The following PRP4K variants were observed in gnomAD, a reference collection of about 807,000 sequenced individuals.
PRP4K encodes the protein serine/threonine-protein kinase PRP4 homolog.
the PRP4K span, among the ~76,000 whole-genome samples, chr6:4,024,255 G>A: frequency 6.6e-6 from 1 of 152,030 alleles, no homozygotes; most frequent in Non-Finnish European, 1.5e-5. Flanking sequence ...AAGTGCTGCA[G>A]GTACTAGGGA....
the PRP4K span, chr6:4,032,699 C>T: frequency 1.3e-5 from 21 of 1,598,982 alleles, no homozygotes; most frequent in African/African-American, 2.6e-4. Flanking sequence ...GAGCCAAGAG[C>T]CGATCCTTAG....
the PRP4K span, among the ~76,000 whole-genome samples, chr6:4,046,321 G>A: frequency 6.6e-6 from 1 of 152,166 alleles, no homozygotes; most frequent in Admixed American, 6.5e-5. Flanking sequence ...TGTTTAGCTA[G>A]TATCAGAGGT....
chr6:4,054,665 C>A, the PRP4K span, among the ~76,000 whole-genome samples: 2 of 152,262 alleles, frequency 1.3e-5, no homozygotes, highest in East Asian at 3.9e-4. Flanking sequence ...GGCCACCACG[C>A]CCAGCTAATT....
At chr6:4,049,870 A>T in the PRP4K span, 2 of 1,614,136 alleles carry the variant, frequency 1.2e-6, no homozygotes, top group Non-Finnish European at 1.7e-6. Flanking sequence ...ATCAGAAACA[A>T]TGAGCTCATG....
chr6:4,056,527 C>T, the PRP4K span: 2 of 1,606,030 alleles, frequency 1.2e-6, no homozygotes, highest in South Asian at 1.1e-5. Context: ...CACACTTCAG[C>T]AGCTGCACGA....
chr6:4,057,811 G>A, the PRP4K span, among the ~76,000 whole-genome samples: 1 of 137,904 alleles, frequency 7.3e-6, no homozygotes, highest in Admixed American at 8.0e-5. Flanking sequence ...CTGCAGTGCA[G>A]TGGCGCGATC....
chr6:4,021,365 C>T, the PRP4K span: 55 of 1,551,540 alleles, frequency 3.5e-5, no homozygotes, highest in African/African-American at 3.7e-4. Context: ...TCCTCCACTT[C>T]CCCTACCCTC....
At chr6:4,055,882 G>A in the PRP4K span, among the ~76,000 whole-genome samples, 1 of 152,254 alleles carries the variant, frequency 6.6e-6, no homozygotes, top group Non-Finnish European at 1.5e-5. Flanking sequence ...TTTTGTCCAA[G>A]TTTATTCTGA....
chr6:4,058,890 A>T, the PRP4K span: 1 of 987,340 alleles, frequency 1.0e-6, no homozygotes, highest in Non-Finnish European at 1.4e-6. Context: ...CTGGTGAATT[A>T]AAAAAAAAAC....
the PRP4K span, chr6:4,052,585 TGTG>T: frequency 2.7e-4 from 172 of 634,778 alleles, no homozygotes; most frequent in Non-Finnish European, 3.8e-4. Context: ...ATTTATCAAA[TGTG>T]GGGGTGGTTC....
the PRP4K span, among the ~76,000 whole-genome samples, chr6:4,059,375 C>A: frequency 1.3e-5 from 2 of 152,144 alleles, no homozygotes; most frequent in Non-Finnish European, 2.9e-5. Flanking sequence ...CCCCCAACCC[C>A]CTAAAAAATG....
the PRP4K span, chr6:4,041,028 C>T: frequency 8.1e-7 from 1 of 1,235,124 alleles, no homozygotes; most frequent in Non-Finnish European, 1.1e-6. Flanking sequence ...TTATAAGTGG[C>T]TCCATTAATT....
chr6:4,042,646 C>A, the PRP4K span: 2 of 1,028,200 alleles, frequency 1.9e-6, no homozygotes, highest in South Asian at 1.5e-5. Flanking sequence ...GCATTAATAA[C>A]AGTTGAACAG....
chr6:4,047,901 TAC>T, the PRP4K span, among the ~76,000 whole-genome samples: 17,922 of 141,812 alleles, frequency 0.13, 1,126 homozygotes, highest in East Asian at 0.21. Flanking sequence ...CATGTATATG[TAC>T]ACACACACAC....
At chr6:4,057,295 G>A in the PRP4K span, 5 of 1,112,148 alleles carry the variant, frequency 4.5e-6, no homozygotes, top group Admixed American at 2.7e-5. Context: ...TTTCAGAAAG[G>A]TGGGTAGATG....
chr6:4,048,937 T>G, the PRP4K span: 1 of 898,180 alleles, frequency 1.1e-6, no homozygotes, highest in Non-Finnish European at 1.7e-6. Flanking sequence ...TATCTGGTGT[T>G]ACCCTTTTGT....
chr6:4,036,188 T>G, the PRP4K span, among the ~76,000 whole-genome samples: 11 of 152,224 alleles, frequency 7.2e-5, no homozygotes, highest in Admixed American at 2.6e-4. Context: ...AAGGTACTTG[T>G]GTGATAAGTG....
At chr6:4,031,514 C>G in the PRP4K span, 1 of 1,329,888 alleles carries the variant, frequency 7.5e-7, no homozygotes, top group African/African-American at 1.5e-5. Context: ...TCTTTGAATA[C>G]TTGATAAATG....
chr6:4,054,422 T>C, the PRP4K span, among the ~76,000 whole-genome samples: 1 of 151,732 alleles, frequency 6.6e-6, no homozygotes, highest in African/African-American at 2.4e-5. Context: ...TAACTTGGAG[T>C]TAGGGGAGCT....
Sources: allele counts gnomAD v4.1 joint callset (sites outside exome capture counted in the v4.1 genomes callset), GRCh38; gene constraint gnomAD v4.1.1; transcripts MANE v1.5; gene names NCBI Gene and HGNC (gene_info 2026-07-23, HGNC 2026-07-21).